Variants in DCDC1 observed in about 807,000 individuals in gnomAD.
The protein encoded by DCDC1 is doublecortin domain containing 1.
A neutral mutation model predicts 178.3 loss-of-function variants in DCDC1; 200 were observed. The ratio of observed to expected loss-of-function variants is 1.12; its 90% CI spans 1.00 to 1.26. The LOEUF is 1.26. Among genes scored for constraint, DCDC1 ranks in the 50% most tolerant of loss-of-function variants. The pLI is 0.00. For synonymous variants in DCDC1, 690 were observed against 604.8 expected (o/e 1.14, Z -2.07); for missense variants, 1,983 against 1,749.2 (o/e 1.13, Z -2.38).
chr11:31,209,290 G>A (rs149784536), intron 9 of DCDC1, among the ~76,000 whole-genome samples: 1 of 152,290 alleles, frequency 6.6e-6, no homozygotes, highest in East Asian at 1.9e-4. Context: ...CGTTCCCTCC[G>A]AGGTAACATA....
At chr11:30,957,270 T>C (rs1229111242) in intron 20 of DCDC1, among the ~76,000 whole-genome samples, 2 of 152,148 alleles carry the variant, frequency 1.3e-5, no homozygotes, top group Non-Finnish European at 2.9e-5. Flanking sequence ...TACACCCACA[T>C]CCATGACTAG....
chr11:31,315,966 C>G (rs1034884625), intron 3 of DCDC1, among the ~76,000 whole-genome samples: 12 of 113,516 alleles, frequency 1.1e-4, no homozygotes, highest in Non-Finnish European at 2.1e-4. Flanking sequence ...TCATCCATGT[C>G]CCTACAAAGG....
At chr11:31,122,994 A>T (rs1212236761) in intron 11 of DCDC1, among the ~76,000 whole-genome samples, 1 of 152,004 alleles carries the variant, frequency 6.6e-6, no homozygotes, top group Non-Finnish European at 1.5e-5. Context: ...TATGGTCTCC[A>T]CTCTGCCTGG....
chr11:31,052,605 T>C (rs1955333353), intron 20 of DCDC1, among the ~76,000 whole-genome samples: 1 of 152,040 alleles, frequency 6.6e-6, no homozygotes, highest in Non-Finnish European at 1.5e-5. Context: ...TGATAGGCCA[T>C]AAAACGAGCC....
intron 21 of DCDC1, among the ~76,000 whole-genome samples, chr11:30,933,141 GTAATGTACTGCTTTGATTA>G (rs1021345044): frequency 6.6e-6 from 1 of 151,930 alleles, no homozygotes; most frequent in Non-Finnish European, 1.5e-5. Flanking sequence ...TCCCTTCATA[GTAATGTACTGCTTTGATTA>G]TAATATATTT....
intron 8 of DCDC1, among the ~76,000 whole-genome samples, chr11:31,250,367 G>A (rs1943894647): frequency 7.8e-6 from 1 of 128,926 alleles, no homozygotes; most frequent in Admixed American, 8.0e-5. Flanking sequence ...AGTTATGAAA[G>A]GAATCAGAGT....
intron 7 of DCDC1, among the ~76,000 whole-genome samples, chr11:31,282,036 G>A (rs184454357): frequency 5.9e-5 from 9 of 152,162 alleles, no homozygotes; most frequent in African/African-American, 1.7e-4. Flanking sequence ...TGATTAGGAG[G>A]ATATTGGTAT....
At chr11:31,369,009 GC>G (rs1402861863) in intron 1 of DCDC1, among the ~76,000 whole-genome samples, 2 of 151,948 alleles carry the variant, frequency 1.3e-5, no homozygotes, top group Non-Finnish European at 2.9e-5. Context: ...CATATGCAGT[GC>G]CCCCTAACTG....
intron 7 of DCDC1, among the ~76,000 whole-genome samples, chr11:31,269,803 T>G (rs1351405881): frequency 6.6e-6 from 1 of 152,160 alleles, no homozygotes. Context: ...TCCACAATGT[T>G]TTCAGTTTAA....
intron 18 of DCDC1, among the ~76,000 whole-genome samples, chr11:31,068,151 C>CA (rs1288875214): frequency 2.6e-5 from 4 of 152,012 alleles, no homozygotes; most frequent in Non-Finnish European, 5.9e-5. Context: ...TTATTTTATG[C>CA]AAATTAAAAG....
intron 9 of DCDC1, among the ~76,000 whole-genome samples, chr11:31,222,536 G>T (rs1450434888): frequency 1.3e-5 from 2 of 152,084 alleles, no homozygotes; most frequent in Admixed American, 1.3e-4. Flanking sequence ...CCATATCTTG[G>T]TAACAAAATC....
chr11:31,308,429 C>A (rs942989676), intron 3 of DCDC1, among the ~76,000 whole-genome samples: 1 of 152,104 alleles, frequency 6.6e-6, no homozygotes, highest in Non-Finnish European at 1.5e-5. Context: ...TGTGTATTAG[C>A]CTTAAAGATG....
intron 20 of DCDC1, among the ~76,000 whole-genome samples, chr11:31,057,866 G>A (rs1240743205): frequency 5.3e-5 from 8 of 152,104 alleles, no homozygotes; most frequent in Non-Finnish European, 8.8e-5. Flanking sequence ...AGGGAGGAGT[G>A]TTCAGGATGA....
intron 15 of DCDC1, among the ~76,000 whole-genome samples, chr11:31,096,514 G>C (rs1262261660): frequency 2.0e-5 from 3 of 152,136 alleles, no homozygotes; most frequent in Non-Finnish European, 4.4e-5. Flanking sequence ...CCACAACATG[G>C]TTTAATCTTT....
intron 34 of DCDC1, among the ~76,000 whole-genome samples, chr11:30,897,886 A>T (rs755180478): frequency 6.6e-6 from 1 of 152,142 alleles, no homozygotes; most frequent in Non-Finnish European, 1.5e-5. Context: ...TTGGAGGGGA[A>T]GTTCAAAGTG....
At chr11:31,044,707 A>G (rs531348289) in intron 20 of DCDC1, among the ~76,000 whole-genome samples, 1 of 152,316 alleles carries the variant, frequency 6.6e-6, no homozygotes, top group African/African-American at 2.4e-5. Context: ...GAGCATCCAG[A>G]TAACAGTCCA....
chr11:31,106,713 G>T, intron 13 of DCDC1, 84 bp downstream of exon 13: 9 of 725,712 alleles, frequency 1.2e-5, no homozygotes, highest in Non-Finnish European at 2.2e-5. Context: ...TTCATGAAGG[G>T]TGCTACTTGA....
chr11:30,898,315 T>A (rs981256811), intron 34 of DCDC1, among the ~76,000 whole-genome samples: 2 of 152,188 alleles, frequency 1.3e-5, no homozygotes, highest in African/African-American at 4.8e-5. Context: ...GCTGTCAAGA[T>A]GGAAGCAGGG....
At chr11:30,900,795 TA>T (rs911541604) in intron 32 of DCDC1, among the ~76,000 whole-genome samples, 50 of 151,944 alleles carry the variant, frequency 3.3e-4, no homozygotes, top group African/African-American at 1.2e-3. Flanking sequence ...AAAATAGAGA[TA>T]AAAAAATCAA....
Sources: allele counts gnomAD v4.1 joint callset (sites outside exome capture counted in the v4.1 genomes callset), GRCh38; gene constraint gnomAD v4.1.1; transcripts MANE v1.5; gene names NCBI Gene and HGNC (gene_info 2026-07-23, HGNC 2026-07-21).